The following FAT4 variants were observed in gnomAD, a reference collection of about 807,000 sequenced individuals.
The protein encoded by FAT4 is protocadherin Fat 4.
In FAT4, 84 loss-of-function variants were observed where a neutral mutation model predicts 303.9. The ratio of observed to expected loss-of-function variants is 0.28; its 90% CI spans 0.23 to 0.33. The LOEUF (loss-of-function observed/expected upper bound fraction) is 0.33. Among genes scored for constraint, FAT4 ranks in the 10% least tolerant of loss-of-function variants. The pLI, the probability that FAT4 is intolerant of heterozygous loss-of-function variation, is 1.00. For missense variants in FAT4, 6,005 were observed against 6,146.8 expected, an observed-to-expected ratio of 0.98 and a Z score of 0.77; for synonymous variants, 2,307 against 2,298.8, an observed-to-expected ratio of 1.00 and a Z score of -0.10.
At chr4:125,453,297 T>C (rs924218223) in intron 10 of FAT4, among the ~76,000 whole-genome samples, 1 of 152,254 alleles carries the variant, frequency 6.6e-6, no homozygotes, top group Admixed American at 6.5e-5. Context: ...ATGATTGTTG[T>C]TGATTCTTTA....
At chr4:125,324,668 G>A (rs1731084449) in intron 2 of FAT4, among the ~76,000 whole-genome samples, 1 of 152,036 alleles carries the variant, frequency 6.6e-6, no homozygotes, top group Admixed American at 6.6e-5. Context: ...ATGGAAGGAA[G>A]CAATCTTATA....
intron 9 of FAT4, among the ~76,000 whole-genome samples, chr4:125,447,587 C>T (rs890022845): frequency 6.6e-6 from 1 of 152,064 alleles, no homozygotes; most frequent in Non-Finnish European, 1.5e-5. Flanking sequence ...GCATCTTTTC[C>T]TCATTGGACT....
intron 7 of FAT4, among the ~76,000 whole-genome samples, chr4:125,428,694 A>C (rs1278700433): frequency 6.6e-6 from 1 of 152,228 alleles, no homozygotes; most frequent in Non-Finnish European, 1.5e-5. Flanking sequence ...ACATATGTAC[A>C]CACACTACAT....
chr4:125,361,326 C>T (rs1307844311), intron 2 of FAT4, among the ~76,000 whole-genome samples: 1 of 152,030 alleles, frequency 6.6e-6, no homozygotes, highest in Non-Finnish European at 1.5e-5. Context: ...TAACAAGGTA[C>T]AAGGGGAATA....
chr4:125,334,821 T>C (rs1192346609), intron 2 of FAT4, among the ~76,000 whole-genome samples: 3 of 152,118 alleles, frequency 2.0e-5, no homozygotes, highest in Non-Finnish European at 4.4e-5. Context: ...CATAGTCTCT[T>C]TTTTTTAAGA....
chr4:125,358,403 T>A (rs1732518962), intron 2 of FAT4, among the ~76,000 whole-genome samples: 1 of 152,050 alleles, frequency 6.6e-6, no homozygotes, highest in African/African-American at 2.4e-5. Context: ...ATACAACTCA[T>A]CATAATGCAG....
At chr4:125,486,407 A>G (rs1224327016) in intron 16 of FAT4, among the ~76,000 whole-genome samples, 2 of 152,088 alleles carry the variant, frequency 1.3e-5, no homozygotes, top group African/African-American at 4.8e-5. Context: ...GTTTTACCAG[A>G]TGTGTTTGTT....
chr4:125,337,657 A>G (rs1019295795), intron 2 of FAT4, among the ~76,000 whole-genome samples: 16 of 152,106 alleles, frequency 1.1e-4, no homozygotes, highest in Non-Finnish European at 1.5e-5. Context: ...ACACTTATGT[A>G]AACACAGCCA....
chr4:125,428,234 G>T (rs1240123223), intron 7 of FAT4, among the ~76,000 whole-genome samples: 1 of 151,606 alleles, frequency 6.6e-6, no homozygotes, highest in Non-Finnish European at 1.5e-5. Flanking sequence ...GGAGGCGGAG[G>T]TTGCAGTGAG....
intron 2 of FAT4, among the ~76,000 whole-genome samples, chr4:125,368,981 G>T (rs951829716): frequency 6.6e-6 from 1 of 152,064 alleles, no homozygotes; most frequent in South Asian, 2.1e-4. Flanking sequence ...TATTGTGTTT[G>T]GCACTACACA....
intron 3 of FAT4, among the ~76,000 whole-genome samples, chr4:125,400,945 T>A (rs1166099810): frequency 6.6e-6 from 1 of 151,978 alleles, no homozygotes; most frequent in African/African-American, 2.4e-5. Context: ...TGACAATATG[T>A]ATGAGGTGTG....
At chr4:125,461,331 T>G (rs1009400351) in intron 10 of FAT4, among the ~76,000 whole-genome samples, 1 of 152,058 alleles carries the variant, frequency 6.6e-6, no homozygotes, top group Non-Finnish European at 1.5e-5. Flanking sequence ...TAAATGAAAT[T>G]CAAAAAACAT....
chr4:125,408,758 A>T lies in FAT4; in HGVS notation c.5884A>T (p.Thr1962Ser), dbSNP rs749792331. 2 of 1,593,144 alleles carry T rather than the reference A, an allele frequency of 1.3e-6. No homozygotes were observed. Among genetic ancestry groups the T allele is most frequent in the Admixed American group, 3.5e-5 (2 of 57,482 alleles). The stretch of plus-strand genomic sequence containing the variant: ...AATGGAGAATCTACCTGTGGGATCT[A>T]CTGTTCTTGTGTTTAATGTTACTGA... ...SLMENLPVGS[T>S]VLVFNVTDAD... The change falls in exon 5 of 18, where the codon ACT becomes TCT. Residue 1962 changes from threonine to serine, a missense_variant. Transcript: ENST00000394329.
intron 2 of FAT4, among the ~76,000 whole-genome samples, chr4:125,363,375 G>A (rs967173295): frequency 9.2e-5 from 14 of 151,706 alleles, no homozygotes; most frequent in Non-Finnish European, 1.8e-4. Context: ...TTTGCTCCTC[G>A]TTTTAGAGTG....
At position 125,315,612 on chromosome 4, in the gene FAT4, CTGT is replaced by C. The variant is rs988401607; in HGVS notation, c.-373_-371del. 2.0e-5 allele frequency among the ~76,000 whole-genome samples: 3 copies of C among 152,182 alleles called. No homozygotes were observed. The highest frequency in any genetic ancestry group is 7.2e-5 in the African/African-American group (3 of 41,456). On this transcript the variant is annotated 5_prime_UTR_variant, in exon 1 of 18. Transcript: ENST00000394329. ...GGTGAAAAATGCCGAGGAGCCCTGG[CTGT>C]TGTTTGTGCCGGACCACGGGCTTGA...
chr4:125,364,980 C>T (rs1284378280), intron 2 of FAT4, among the ~76,000 whole-genome samples: 2 of 151,948 alleles, frequency 1.3e-5, no homozygotes, highest in Non-Finnish European at 2.9e-5. Context: ...AACTTGGGGC[C>T]CTGGACTAAC....
Position 125,451,814 on chromosome 4 carries a change from G to C in FAT4, c.10804G>C (p.Val3602Leu). The change falls in exon 10 of 18, where the codon GTG (valine) becomes CTG (leucine). Residue 3602 changes from valine to leucine, a missense_variant. By Grantham distance (32) the Val-to-Leu change is conservative. Transcript: ENST00000394329. ...TCCTCAAATGTCTTCCACAGGAACT[G>C]TGCATATCACAGTTATAGACCAAAA... ...GVPQMSSTGT[V>L]HITVIDQNDN... is the part of the protein sequence containing the mutation. The C allele has an allele frequency of 6.2e-7, 1 of 1,614,156 alleles. No individual in the cohort carries two copies. Among genetic ancestry groups the C allele is most frequent in the Non-Finnish European group, 8.5e-7 (1 of 1,180,026 alleles).
At chr4:125,324,518 A>T (rs1419290652) in intron 2 of FAT4, among the ~76,000 whole-genome samples, 1 of 152,196 alleles carries the variant, frequency 6.6e-6, no homozygotes, top group East Asian at 1.9e-4. Context: ...GAAGTTAATA[A>T]ATCTGATGCT....
intron 3 of FAT4, among the ~76,000 whole-genome samples, chr4:125,405,646 G>A (rs1424864158): frequency 1.3e-5 from 2 of 151,954 alleles, no homozygotes; most frequent in Non-Finnish European, 2.9e-5. Context: ...GAGTAGCTGG[G>A]ACTCCAGGCT....
Sources: gnomAD v4.1 joint callset for allele counts (sites outside exome capture counted in the v4.1 genomes callset) on GRCh38, gnomAD v4.1.1 for gene constraint, MANE v1.5 for transcripts, NCBI Gene and HGNC (gene_info 2026-07-23, HGNC 2026-07-21) for gene names.